The following EP300 variants were observed in gnomAD, a reference collection of about 807,000 sequenced individuals.
EP300 encodes the protein histone acetyltransferase p300.
In EP300, 31 loss-of-function variants were observed where a neutral mutation model predicts 264.0. That is an observed-to-expected ratio of 0.12 (90% CI 0.09 to 0.16). The LOEUF is 0.16. Ranked by LOEUF, EP300 falls within the 10% of genes least tolerant of loss-of-function variation. The pLI is 1.00. For synonymous variants in EP300, 1,340 were observed against 1,045.4 expected (o/e 1.28, Z -5.44); for missense variants, 2,766 against 3,052.9 (o/e 0.91, Z 2.21).
At chr22:41,138,427 G>A (rs2058964183) in intron 8 of EP300, among the ~76,000 whole-genome samples, 2 of 152,172 alleles carry the variant, frequency 1.3e-5, no homozygotes, top group African/African-American at 4.8e-5. Flanking sequence ...GCTTCCCAAA[G>A]TGCTAGGATT....
chr22:41,122,347 G>T (rs935859905), intron 2 of EP300, among the ~76,000 whole-genome samples: 6 of 151,804 alleles, frequency 4.0e-5, no homozygotes, highest in African/African-American at 1.5e-4. Context: ...TGTATTATTA[G>T]TAGAGACAGG....
Position 41,178,533 on chromosome 22 carries a change from G to T in EP300, c.6822G>T (p.Gln2274His). 6.2e-7 allele frequency: 1 copy of T among 1,613,952 alleles called. No individual in the cohort carries two copies. The highest frequency in any genetic ancestry group is 8.5e-7 in the Non-Finnish European group (1 of 1,179,980). The change falls in exon 31 of 31, where the codon CAG becomes CAT. Residue 2274 changes from glutamine (Q) to histidine (H), a missense_variant. Coordinates refer to ENST00000263253, the MANE Select transcript of EP300 (RefSeq NM_001429.4). ...LLQQQMGSPVQPNPMSPQQHM... is the reference protein window; with the variant it reads ...LLQQQMGSPVHPNPMSPQQHM... Reference sequence around the variant, plus strand: ...AGCAACAGATGGGGTCCCCTGTTCAGCCCAACCCCATGAGCCCCCAGCAGC... The same window carrying T: ...AGCAACAGATGGGGTCCCCTGTTCATCCCAACCCCATGAGCCCCCAGCAGC...
chr22:41,161,563 G>C (rs943512776), intron 20 of EP300, among the ~76,000 whole-genome samples: 14 of 152,178 alleles, frequency 9.2e-5, no homozygotes, highest in African/African-American at 3.1e-4. Context: ...CTTGCAGTGA[G>C]CTGAGATTGG....
At chr22:41,137,009 GAGA>G (rs1228150103) in intron 7 of EP300, among the ~76,000 whole-genome samples, 1 of 151,852 alleles carries the variant, frequency 6.6e-6, no homozygotes, top group Non-Finnish European at 1.5e-5. Flanking sequence ...GCAGTGAGCT[GAGA>G]TCATGCCACT....
intron 1 of EP300, among the ~76,000 whole-genome samples, chr22:41,116,663 A>G (rs2058823288): frequency 2.6e-5 from 4 of 151,968 alleles, no homozygotes; most frequent in Admixed American, 2.0e-4. Context: ...TATTTTAGGT[A>G]TAGTTCTTAA....
Position 41,127,661 on chromosome 22 carries a change from G to A in EP300, c.1081G>A (p.Val361Met), listed in dbSNP as rs1341704749. 26 of 1,614,118 alleles carry A rather than the reference G, an allele frequency of 1.6e-5. No individual in the cohort carries two copies. The highest frequency in any genetic ancestry group is 2.1e-5 in the Non-Finnish European group (25 of 1,180,056). Residue 361 changes from valine (V) to methionine (M), a missense_variant, in exon 4 of 31, where the codon GTG (valine) becomes ATG (methionine). By Grantham distance (21) the Val-to-Met change is conservative. Coordinates refer to ENST00000263253, the MANE Select transcript of EP300 (RefSeq NM_001429.4). ...GCGCCGGGAACAGGCCAATGGGGAA[G>A]TGAGGCAGTGCAACCTTCCCCACTG... ...CQRREQANGE[V>M]RQCNLPHCRT... is the part of the protein sequence containing the mutation.
At position 41,178,220 on chromosome 22, in the gene EP300, T is replaced by C; in HGVS notation, c.6509T>C (p.Met2170Thr). 2.5e-6 allele frequency: 4 copies of C among 1,613,742 alleles called. No individual in the cohort carries two copies. In the South Asian group the frequency reaches 3.3e-5, roughly 13 times the overall value. ...AGCCCCCAGGCTCAGCAGATGAACA[T>C]GAACCACAACACCATGCCTTCACAA... ...GMSPQAQQMN[M>T]NHNTMPSQFR... Residue 2170 changes from methionine (M) to threonine (T), a missense_variant, in exon 31 of 31, where the codon ATG becomes ACG. By Grantham distance (81) the Met-to-Thr change is moderately conservative (BLOSUM62 -1). Coordinates refer to ENST00000263253, the MANE Select transcript of EP300 (RefSeq NM_001429.4).
chr22:41,135,693 T>C (rs1293286977), intron 6 of EP300, 120 bp from the exon 7 acceptor site: 3 of 745,932 alleles, frequency 4.0e-6, no homozygotes, highest in Non-Finnish European at 7.1e-6. Flanking sequence ...TTGTCAATTA[T>C]TTATTGTATA....
chr22:41,155,292 G>A (rs569401745), intron 17 of EP300, among the ~76,000 whole-genome samples, 179 bp downstream of exon 17: 27 of 151,930 alleles, frequency 1.8e-4, no homozygotes, highest in African/African-American at 5.8e-4. Flanking sequence ...GCAGTGGCAC[G>A]ATCGTGGCTC....
chr22:41,136,427 A>G (rs1276901861), intron 7 of EP300, among the ~76,000 whole-genome samples: 1 of 152,208 alleles, frequency 6.6e-6, no homozygotes, highest in African/African-American at 2.4e-5. Flanking sequence ...ACAGCTCCAT[A>G]ATAGCCTTAT....
Position 41,169,579 on chromosome 22 carries a change from A to T in EP300, c.4249A>T (p.Ile1417Phe). The T allele has an allele frequency of 6.2e-7, 1 of 1,609,026 alleles. No homozygotes were observed. Among genetic ancestry groups the T allele is most frequent in the South Asian group, 1.1e-5 (1 of 90,954 alleles). ...CTTGAGGACTGCAGTCTATCATGAA[A>T]TCCTAATTGGATATTTAGAATATGT... ...KCLRTAVYHE[I>F]LIGYLEYVKK... Residue 1417 changes from isoleucine to phenylalanine, a missense_variant, in exon 26 of 31, where the codon ATC (isoleucine) becomes TTC (phenylalanine). Ile to Phe is a conservative substitution (Grantham distance 21). Coordinates refer to ENST00000263253, the MANE Select transcript of EP300 (RefSeq NM_001429.4).
At chr22:41,128,991 G>A (rs542270794) in intron 4 of EP300, among the ~76,000 whole-genome samples, 13 of 151,782 alleles carry the variant, frequency 8.6e-5, no homozygotes, top group African/African-American at 3.1e-4. Flanking sequence ...TGATAGTGAC[G>A]TTATTTTAGG....
intron 27 of EP300, among the ~76,000 whole-genome samples, chr22:41,170,805 G>C (rs928052676): frequency 6.6e-6 from 1 of 151,698 alleles, no homozygotes; most frequent in African/African-American, 2.4e-5. Context: ...GGGACTACAG[G>C]CTCCTGCCAT....
chr22:41,144,887 T>G (rs1479203536), intron 10 of EP300, among the ~76,000 whole-genome samples: 1 of 152,060 alleles, frequency 6.6e-6, no homozygotes, highest in Non-Finnish European at 1.5e-5. Flanking sequence ...AGTCTGAATT[T>G]CTGGCTGCTT....
At position 41,157,225 on chromosome 22, in the gene EP300, A is replaced by G; in HGVS notation, c.3318A>G (p.Leu1106=). 6.2e-7 allele frequency: 1 copy of G among 1,614,164 alleles called. No homozygotes were observed. Residue 1106 remains leucine, a synonymous_variant, in exon 18 of 31, where the codon TTA becomes TTG. Coordinates refer to ENST00000263253, the MANE Select transcript of EP300 (RefSeq NM_001429.4). The stretch of plus-strand genomic sequence containing the variant: ...ATCTTTCTACCATTAAGAGGAAGTT[A>G]GACACTGGACAGTATCAGGAGCCCT... ...PMDLSTIKRK[L]DTGQYQEPWQ... is the part of the protein sequence containing the mutation.
chr22:41,178,748 C>T lies in EP300; in HGVS notation c.7037C>T (p.Ser2346Phe). The change falls in exon 31 of 31, where the codon TCC becomes TTC. Residue 2346 changes from serine (S) to phenylalanine (F), a missense_variant. By Grantham distance (155) the Ser-to-Phe change is radical. Transcript: ENST00000263253. ...SPHHVSPQTS[S>F]PHPGLVAAQA... is the part of the protein sequence containing the mutation. ...CACCACGTTTCCCCACAGACAAGTT[C>T]CCCACATCCTGGACTGGTAGCTGCC... The T allele has an allele frequency of 6.2e-7, 1 of 1,614,132 alleles. No individual in the cohort carries two copies. Among genetic ancestry groups the T allele is most frequent in the Non-Finnish European group, 8.5e-7 (1 of 1,179,998 alleles).
In EP300 at chr22:41,105,492, G is replaced by A. The variant is rs1056465625; in HGVS notation, c.95-11695G>A. ...CCACTCACTGCAGCCTCCGCCTCCC[G>A]GGTTCAAGCGATTCTCCTGCTTCAG... On this transcript the variant is annotated intron_variant, in intron 1 of 30. Transcript: ENST00000263253. Among the ~76,000 whole-genome samples, 5 of 151,668 alleles carry A rather than the reference G, an allele frequency of 3.3e-5. No individual in the cohort carries two copies. In the South Asian group the frequency reaches 8.3e-4, roughly 25 times the overall value.
Position 41,113,160 on chromosome 22 carries a change from C to CCG in EP300, c.95-4026_95-4025insGC, listed in dbSNP as rs1555905069. The stretch of plus-strand genomic sequence containing the variant: ...GGCTTGTTTGAATCAGGATTCCACC[C>CCG]CCCCCCCAACTTATGCTATGGATTT... On this transcript the variant is annotated intron_variant, in intron 1 of 30. Coordinates refer to ENST00000263253, the MANE Select transcript of EP300 (RefSeq NM_001429.4). Among the ~76,000 whole-genome samples, 4 of 135,680 alleles carry CCG rather than the reference C, an allele frequency of 2.9e-5. 1 individual carries two copies. Among genetic ancestry groups the CCG allele is most frequent in the South Asian group, 2.8e-4 (1 of 3,610 alleles). 89.0% of individuals were successfully genotyped at this position (135,680 alleles called of 152,430 possible). A position where few individuals can be genotyped will look rare whatever the true frequency, so the allele number is the denominator to read the frequency against.
chr22:41,170,316 T>C lies in EP300; in HGVS notation c.4287-90T>C, dbSNP rs935926437. The C allele has an allele frequency of 8.8e-6, 11 of 1,255,518 alleles. No homozygotes were observed. In the African/African-American group the frequency reaches 1.3e-4, roughly 15 times the overall value. 77.8% of individuals were successfully genotyped at this position (1,255,518 alleles called of 1,614,324 possible). On this transcript the variant is annotated intron_variant, in intron 26 of 30. Coordinates refer to ENST00000263253, the MANE Select transcript of EP300 (RefSeq NM_001429.4). ...GTTATCTTGGGAAAAATTATTGGTATCTATATCAACTCCAACTTGTGGTTT... is the reference window on the plus strand; with the variant it reads ...GTTATCTTGGGAAAAATTATTGGTACCTATATCAACTCCAACTTGTGGTTT...
Sources: allele counts gnomAD v4.1 joint callset (sites outside exome capture counted in the v4.1 genomes callset), GRCh38; gene constraint gnomAD v4.1.1; transcripts MANE v1.5; gene names NCBI Gene and HGNC (gene_info 2026-07-23, HGNC 2026-07-21).